FGF14: variants seen among roughly 807,000 people sequenced by gnomAD.
The protein encoded by FGF14 is fibroblast growth factor homologous factor 4.
A neutral mutation model predicts 25.5 loss-of-function variants in FGF14; 5 were observed. The observed-to-expected ratio is 0.20, with a 90% CI of 0.10 to 0.41. The LOEUF is 0.41. Among genes scored for constraint, FGF14 ranks in the 10% least tolerant of loss-of-function variants. FGF14 has a pLI of 1.00. For synonymous variants in FGF14, 138 were observed against 118.3 expected (o/e 1.17, Z -1.08); for missense variants, 222 against 320.1 (o/e 0.69, Z 2.34).
chr13:102,194,687 A>C, intron 1 of FGF14, among the ~76,000 whole-genome samples: 1 of 152,212 alleles, frequency 6.6e-6, no homozygotes, highest in East Asian at 1.9e-4. Context: ...AGTAGAAAAA[A>C]TATTTGAGGA....
intron 1 of FGF14, among the ~76,000 whole-genome samples, chr13:102,366,843 A>T (rs2057729216): frequency 6.6e-6 from 1 of 152,152 alleles, no homozygotes; most frequent in Non-Finnish European, 1.5e-5. Context: ...AGAGTATATC[A>T]TTTTTTAGTA....
chr13:101,778,429 C>T (rs901508072), intron 3 of FGF14, among the ~76,000 whole-genome samples: 9 of 152,158 alleles, frequency 5.9e-5, no homozygotes, highest in Non-Finnish European at 1.3e-4. Flanking sequence ...AAACCTCCAT[C>T]GCCTTGCCTC....
intron 1 of FGF14, among the ~76,000 whole-genome samples, chr13:101,882,585 A>T (rs1216426449): frequency 6.6e-6 from 1 of 151,968 alleles, no homozygotes; most frequent in East Asian, 1.9e-4. Flanking sequence ...TAGAGCCAGG[A>T]AGCATTTCTT....
intron 1 of FGF14, among the ~76,000 whole-genome samples, chr13:102,096,098 T>C (rs2044387421): frequency 6.6e-6 from 1 of 151,694 alleles, no homozygotes; most frequent in African/African-American, 2.4e-5. Flanking sequence ...CATTGCCTTA[T>C]ATATACAGTA....
intron 1 of FGF14, among the ~76,000 whole-genome samples, chr13:101,900,595 A>T (rs1387531277): frequency 6.6e-6 from 1 of 152,168 alleles, no homozygotes; most frequent in Non-Finnish European, 1.5e-5. Context: ...GCTGCATAAC[A>T]TCATTGATAT....
intron 1 of FGF14, among the ~76,000 whole-genome samples, chr13:102,216,392 A>G (rs9300719): frequency 6.6e-6 from 1 of 152,218 alleles, no homozygotes; most frequent in African/African-American, 2.4e-5. Context: ...GGATTGAGGT[A>G]ACATAGGTAA....
chr13:101,768,054 CA>C (rs1271871372), intron 3 of FGF14, among the ~76,000 whole-genome samples: 1 of 151,720 alleles, frequency 6.6e-6, no homozygotes, highest in Non-Finnish European at 1.5e-5. Flanking sequence ...AACATAAAAG[CA>C]AAACATAAAA....
At chr13:101,771,080 G>A (rs1171782489) in intron 3 of FGF14, among the ~76,000 whole-genome samples, 1 of 152,050 alleles carries the variant, frequency 6.6e-6, no homozygotes, top group Non-Finnish European at 1.5e-5. Context: ...CTAAGATATT[G>A]TAGAGGATGC....
chr13:101,732,266 G>A (rs1012441583), intron 3 of FGF14, among the ~76,000 whole-genome samples: 4 of 152,090 alleles, frequency 2.6e-5, no homozygotes, highest in Non-Finnish European at 4.4e-5. Context: ...TTATGTTTTT[G>A]TTAATGTCTT....
At chr13:102,124,606 G>C (rs1057118003) in intron 1 of FGF14, among the ~76,000 whole-genome samples, 1 of 152,082 alleles carries the variant, frequency 6.6e-6, no homozygotes, top group Non-Finnish European at 1.5e-5. Context: ...TTCTGGAAAT[G>C]TACTGTACAG....
intron 1 of FGF14, among the ~76,000 whole-genome samples, chr13:102,025,345 T>C (rs552430015): frequency 1.3e-5 from 2 of 152,166 alleles, no homozygotes; most frequent in African/African-American, 4.8e-5. Context: ...ACATGGGATG[T>C]CTTTCTATTT....
intron 1 of FGF14, among the ~76,000 whole-genome samples, chr13:102,167,794 CTTTTT>C (rs11330328): frequency 6.9e-6 from 1 of 143,948 alleles, no homozygotes; most frequent in African/African-American, 2.5e-5. Flanking sequence ...CATGCTAGCT[CTTTTT>C]TTTTTTTTTT....
At chr13:101,786,903 C>A (rs2039868108) in intron 3 of FGF14, among the ~76,000 whole-genome samples, 1 of 152,012 alleles carries the variant, frequency 6.6e-6, no homozygotes, top group Admixed American at 6.6e-5. Flanking sequence ...TGAAAAGAAC[C>A]AACTGTCTCC....
At chr13:102,041,595 A>AAAAAAAAAGAGAG (rs1175485223) in intron 1 of FGF14, among the ~76,000 whole-genome samples, 4 of 149,850 alleles carry the variant, frequency 2.7e-5, no homozygotes, top group African/African-American at 9.8e-5. Context: ...AAAAAAAAAA[A>AAAAAAAAAGAGAG]AGAGAGATTT....
At chr13:102,041,974 C>A (rs1303896210) in intron 1 of FGF14, among the ~76,000 whole-genome samples, 1 of 152,136 alleles carries the variant, frequency 6.6e-6, no homozygotes, top group Non-Finnish European at 1.5e-5. Flanking sequence ...ACCAGCCAGC[C>A]AAAGTTCACT....
rs187734741 is a variant in FGF14, at chr13:102,100,477, G to A, written c.209-225181C>T. ...GAACAGAAGGAGGTGCTTCCGGACC[G>A]CTTGTCCAGCCAGCATGTCAGGTGC... is the stretch of plus-strand genomic sequence containing the variant. On this transcript the variant is annotated intron_variant, in intron 1 of 4. Coordinates refer to the FGF14 transcript ENST00000376131. Among the ~76,000 whole-genome samples, 529 of 152,296 alleles carry A rather than the reference G, an allele frequency of 3.5e-3. 2 individuals carry two copies. The highest frequency in any genetic ancestry group is 0.012 in the African/African-American group (488 of 41,578).
chr13:102,090,193 C>T (rs1399932532), intron 1 of FGF14, among the ~76,000 whole-genome samples: 1 of 152,176 alleles, frequency 6.6e-6, no homozygotes. Context: ...CGTATATTTA[C>T]TGAGACTATA....
At chr13:101,815,654 A>T (rs556224274) in intron 3 of FGF14, among the ~76,000 whole-genome samples, 7,410 of 152,158 alleles carry the variant, frequency 0.049, 598 homozygotes, top group African/African-American at 0.17. Context: ...CTTAAAAGGG[A>T]TCTCCTCCTT....
chr13:102,167,971 C>T (rs2048092416), intron 1 of FGF14, among the ~76,000 whole-genome samples: 2 of 151,998 alleles, frequency 1.3e-5, no homozygotes, highest in East Asian at 1.9e-4. Flanking sequence ...TTAACTTTCT[C>T]GCCCTCTATG....
Sources: allele counts gnomAD v4.1 joint callset (sites outside exome capture counted in the v4.1 genomes callset), GRCh38; gene constraint gnomAD v4.1.1; transcripts MANE v1.5; gene names NCBI Gene and HGNC (gene_info 2026-07-23, HGNC 2026-07-21).